The following PDE10A variants were observed in gnomAD, a reference collection of about 807,000 sequenced individuals.
PDE10A encodes the protein phosphodiesterase 10A, also known as cAMP and cAMP-inhibited cGMP 3',5'-cyclic phosphodiesterase 10A.
A neutral mutation model predicts 97.7 loss-of-function variants in PDE10A; 39 were observed. That is an observed-to-expected ratio of 0.40 (90% CI 0.31 to 0.52). The LOEUF (loss-of-function observed/expected upper bound fraction) is 0.52, where lower values mean the gene tolerates loss of function less well. PDE10A is among the 20% of genes least tolerant of loss of function. The pLI, the probability that PDE10A is intolerant of heterozygous loss-of-function variation, is 0.56. For synonymous variants in PDE10A, 371 were observed against 376.8 expected (o/e 0.98, Z 0.18); for missense variants, 731 against 1,047.8 (o/e 0.70, Z 4.17).
intron 1 of PDE10A, among the ~76,000 whole-genome samples, chr6:165,741,002 T>G (rs1792707111): frequency 6.6e-6 from 1 of 152,086 alleles, no homozygotes; most frequent in Admixed American, 6.6e-5. Flanking sequence ...TACTAATAAT[T>G]ATTGGTATTA....
intron 2 of PDE10A, among the ~76,000 whole-genome samples, chr6:165,503,675 AAAG>A (rs2128296512): frequency 6.6e-6 from 1 of 152,300 alleles, no homozygotes; most frequent in South Asian, 2.1e-4. Flanking sequence ...GAAAAGTTAG[AAAG>A]AAGCCATTAA....
chr6:165,950,584 G>A (rs977244962), intron 1 of PDE10A, among the ~76,000 whole-genome samples: 2 of 152,174 alleles, frequency 1.3e-5, no homozygotes, highest in African/African-American at 2.4e-5. Flanking sequence ...TCTGCAAGTG[G>A]GCGTTCACAG....
intron 1 of PDE10A, among the ~76,000 whole-genome samples, chr6:165,803,397 C>T (rs1455448309): frequency 6.6e-6 from 1 of 152,238 alleles, no homozygotes; most frequent in Non-Finnish European, 1.5e-5. Flanking sequence ...TTTAGCTACA[C>T]TTTTGTGTCT....
intron 18 of PDE10A, among the ~76,000 whole-genome samples, chr6:165,375,522 G>A (rs1784557472): frequency 6.6e-6 from 1 of 152,218 alleles, no homozygotes; most frequent in South Asian, 2.1e-4. Context: ...AAGGTAAAAA[G>A]TGCAAGCTGA....
At chr6:165,893,824 A>G (rs77483871) in intron 1 of PDE10A, among the ~76,000 whole-genome samples, 8 of 145,412 alleles carry the variant, frequency 5.5e-5, no homozygotes, top group African/African-American at 1.5e-4. Flanking sequence ...CATTAGTGCC[A>G]TTTTTTTTTT....
At chr6:165,907,328 C>A (rs756986514) in intron 1 of PDE10A, among the ~76,000 whole-genome samples, 1 of 152,174 alleles carries the variant, frequency 6.6e-6, no homozygotes, top group Non-Finnish European at 1.5e-5. Context: ...CTGTTCCCAG[C>A]GTGGAAGGCC....
chr6:165,726,418 G>T (rs1352764604), intron 1 of PDE10A, among the ~76,000 whole-genome samples: 1 of 152,158 alleles, frequency 6.6e-6, no homozygotes, highest in Non-Finnish European at 1.5e-5. Context: ...AAAATTTTAC[G>T]TTAATAAGCA....
intron 1 of PDE10A, among the ~76,000 whole-genome samples, chr6:165,927,158 A>G (rs1257997778): frequency 6.6e-6 from 1 of 152,170 alleles, no homozygotes; most frequent in Non-Finnish European, 1.5e-5. Context: ...GCAAACCACC[A>G]TGGCCTATGT....
At chr6:165,607,396 T>C (rs1787263643) in intron 1 of PDE10A, among the ~76,000 whole-genome samples, 1 of 152,190 alleles carries the variant, frequency 6.6e-6, no homozygotes, top group Non-Finnish European at 1.5e-5. Flanking sequence ...CACAACACAT[T>C]ACCTTTTTAT....
chr6:165,666,755 C>T (rs1476753537), upstream of PDE10A, among the ~76,000 whole-genome samples: 1 of 151,888 alleles, frequency 6.6e-6, no homozygotes, highest in Non-Finnish European at 1.5e-5. Context: ...TGTCTAGACT[C>T]CTGGAACTTA....
chr6:165,672,133 T>C (rs963555095), intron 1 of PDE10A, among the ~76,000 whole-genome samples: 1 of 152,252 alleles, frequency 6.6e-6, no homozygotes, highest in South Asian at 2.1e-4. Context: ...TTGATTTCAT[T>C]GACAGTAAAG....
intron 1 of PDE10A, among the ~76,000 whole-genome samples, chr6:165,967,801 T>G (rs1784555393): frequency 6.6e-6 from 1 of 152,168 alleles, no homozygotes; most frequent in South Asian, 2.1e-4. Flanking sequence ...TTTCATGAAT[T>G]TATACACAAG....
At chr6:165,941,474 A>G (rs767332871) in intron 1 of PDE10A, among the ~76,000 whole-genome samples, 1 of 152,104 alleles carries the variant, frequency 6.6e-6, no homozygotes, top group Non-Finnish European at 1.5e-5. Flanking sequence ...CATCATTTGG[A>G]TATTTGTCCC....
chr6:165,393,249 T>C (rs551597388), intron 15 of PDE10A, among the ~76,000 whole-genome samples: 116 of 152,278 alleles, frequency 7.6e-4, no homozygotes, highest in African/African-American at 2.3e-3. Context: ...GAGACTTTTC[T>C]AGAGTTACTA....
intron 1 of PDE10A, among the ~76,000 whole-genome samples, chr6:165,953,582 C>T (rs1784038755): frequency 2.0e-5 from 2 of 99,700 alleles, no homozygotes; most frequent in African/African-American, 8.4e-5. Flanking sequence ...CAGAATGAGA[C>T]TTCGTCTCAA....
intron 1 of PDE10A, among the ~76,000 whole-genome samples, chr6:165,606,656 C>A (rs1401613252): frequency 2.4e-4 from 36 of 152,048 alleles, no homozygotes; most frequent in Non-Finnish European, 1.5e-5. Flanking sequence ...AACAGGGAAA[C>A]ATTTCTTAAG....
At chr6:165,716,529 G>A (rs61430912) in intron 1 of PDE10A, among the ~76,000 whole-genome samples, 1,599 of 152,328 alleles carry the variant, frequency 0.01, 32 homozygotes, top group African/African-American at 0.037. Flanking sequence ...AGCACCATCA[G>A]TGACTTGGGA....
chr6:165,591,846 A>G (rs570999420), intron 1 of PDE10A, among the ~76,000 whole-genome samples: 141 of 152,300 alleles, frequency 9.3e-4, no homozygotes, highest in African/African-American at 3.3e-3. Context: ...TTCATTCATC[A>G]ATGCTTTTTA....
chr6:165,390,253 G>A (rs1785605906), intron 16 of PDE10A, among the ~76,000 whole-genome samples: 1 of 152,190 alleles, frequency 6.6e-6, no homozygotes, highest in African/African-American at 2.4e-5. Flanking sequence ...TTCGATTGAA[G>A]ACACTGAGCA....
Sources: gnomAD v4.1 joint callset for allele counts (sites outside exome capture counted in the v4.1 genomes callset) on GRCh38, gnomAD v4.1.1 for gene constraint, MANE v1.5 for transcripts, NCBI Gene and HGNC (gene_info 2026-07-23, HGNC 2026-07-21) for gene names.